The following TFEC variants were observed in gnomAD, a reference collection of about 807,000 sequenced individuals.
TFEC encodes class E basic helix-loop-helix protein 34.
In TFEC, 31 loss-of-function variants were observed where a neutral mutation model predicts 41.6. That is an observed-to-expected ratio of 0.74 (90% CI 0.56 to 1.01). The LOEUF is 1.01. Ranked by LOEUF, TFEC falls within the 50% of genes least tolerant of loss-of-function variation. The pLI, the probability that TFEC is intolerant of heterozygous loss-of-function variation, is 0.00. For synonymous variants in TFEC, 143 were observed against 140.6 expected (o/e 1.02, Z -0.12); for missense variants, 402 against 404.1 (o/e 0.99, Z 0.04).
chr7:115,981,605 G>T (rs1294395156), intron 2 of TFEC, among the ~76,000 whole-genome samples: 1 of 151,982 alleles, frequency 6.6e-6, no homozygotes, highest in Non-Finnish European at 1.5e-5. Context: ...TAAAAGATAA[G>T]AAAAAGAAAA....
intron 1 of TFEC, among the ~76,000 whole-genome samples, chr7:116,009,134 T>C (rs927960816): frequency 3.9e-5 from 6 of 152,190 alleles, no homozygotes; most frequent in African/African-American, 1.2e-4. Flanking sequence ...TATACATGCA[T>C]TGATTTGTTT....
chr7:115,958,382 T>TGAG (rs947450924), intron 3 of TFEC, among the ~76,000 whole-genome samples: 1 of 151,932 alleles, frequency 6.6e-6, no homozygotes, highest in African/African-American at 2.4e-5. Context: ...GGTTATGAGC[T>TGAG]GAGGCATCAC....
chr7:116,030,586 A>G, intron 1 of TFEC, 47 bp downstream of exon 1: 1 of 969,996 alleles, frequency 1.0e-6, no homozygotes, highest in Non-Finnish European at 1.2e-6. Context: ...TTGTCTTCCT[A>G]GTTTGTTTAA....
intron 1 of TFEC, among the ~76,000 whole-genome samples, chr7:116,139,348 G>T (rs1422620691): frequency 3.3e-5 from 5 of 152,114 alleles, no homozygotes; most frequent in Non-Finnish European, 7.4e-5. Flanking sequence ...TCCATTCACT[G>T]CCCAGCACTC....
At chr7:116,040,500 T>C (rs914578182) in intron 3 of TFEC, among the ~76,000 whole-genome samples, 1 of 152,170 alleles carries the variant, frequency 6.6e-6, no homozygotes, top group Non-Finnish European at 1.5e-5. Flanking sequence ...ATACATAAAA[T>C]AGAAATTGCA....
intron 1 of TFEC, among the ~76,000 whole-genome samples, chr7:116,029,378 A>G (rs17302005): frequency 0.18 from 27,026 of 152,160 alleles, 2,500 homozygotes; most frequent in East Asian, 0.33. Flanking sequence ...TGCTACACTC[A>G]GATTCATCTA....
intron 3 of TFEC, among the ~76,000 whole-genome samples, chr7:116,052,627 C>T (rs935261379): frequency 4.6e-5 from 7 of 151,798 alleles, no homozygotes; most frequent in Non-Finnish European, 8.8e-5. Flanking sequence ...CAGGGCTTCA[C>T]CATGTTGGCC....
intron 3 of TFEC, among the ~76,000 whole-genome samples, chr7:116,050,740 T>G (rs1246051526): frequency 3.9e-5 from 6 of 152,192 alleles, no homozygotes; most frequent in South Asian, 2.1e-4. Context: ...ACAGTGTGGC[T>G]ATTCCTCAAG....
intron 3 of TFEC, among the ~76,000 whole-genome samples, chr7:116,054,217 C>T (rs930729212): frequency 1.3e-5 from 2 of 151,922 alleles, no homozygotes; most frequent in South Asian, 2.1e-4. Context: ...TGGGAAGAAT[C>T]GATGAGTTGT....
intron 3 of TFEC, among the ~76,000 whole-genome samples, chr7:116,089,607 G>GTA (rs10641524): frequency 0.13 from 19,580 of 151,352 alleles, 1,617 homozygotes; most frequent in African/African-American, 0.23. Context: ...AAGAATGTAA[G>GTA]TATATATATG....
At chr7:116,094,416 C>T (rs1395109048) in intron 3 of TFEC, among the ~76,000 whole-genome samples, 1 of 151,662 alleles carries the variant, frequency 6.6e-6, no homozygotes, top group Non-Finnish European at 1.5e-5. Flanking sequence ...CGTGGTGGCT[C>T]ACGCCTGTAA....
At chr7:116,006,409 G>A (rs1378039125) in intron 1 of TFEC, among the ~76,000 whole-genome samples, 2 of 152,188 alleles carry the variant, frequency 1.3e-5, no homozygotes, top group Non-Finnish European at 2.9e-5. Flanking sequence ...GTGAGACATG[G>A]AATCAAAGGA....
intron 3 of TFEC, among the ~76,000 whole-genome samples, chr7:116,059,315 T>G (rs1796499440): frequency 6.6e-6 from 1 of 151,890 alleles, no homozygotes; most frequent in East Asian, 1.9e-4. Flanking sequence ...ATAGATAACC[T>G]AAATAATCTA....
At chr7:115,968,360 T>C (rs986930220) in intron 3 of TFEC, 20 of 1,389,134 alleles carry the variant, frequency 1.4e-5, no homozygotes, top group Non-Finnish European at 1.8e-5. Flanking sequence ...TTGTCTAGAT[T>C]GTGATTGACA....
intron 1 of TFEC, among the ~76,000 whole-genome samples, chr7:116,022,862 C>T (rs1795450805): frequency 6.6e-6 from 1 of 152,098 alleles, no homozygotes; most frequent in South Asian, 2.1e-4. Context: ...TTTTACCCTC[C>T]CTTTCTCATT....
At chr7:116,128,485 A>G (rs1798261277) in intron 1 of TFEC, among the ~76,000 whole-genome samples, 1 of 152,216 alleles carries the variant, frequency 6.6e-6, no homozygotes, top group African/African-American at 2.4e-5. Flanking sequence ...TGAAACAATT[A>G]TGAGCATAAA....
At chr7:116,112,839 A>G (rs1161572418) in intron 1 of TFEC, among the ~76,000 whole-genome samples, 1 of 152,050 alleles carries the variant, frequency 6.6e-6, no homozygotes, top group African/African-American at 2.4e-5. Context: ...TAATTATGTG[A>G]GCTTGGAAAC....
rs1175222505 is a variant in TFEC, at chr7:115,993,618, G to A, written c.-72-9105C>T. On this transcript the variant is annotated intron_variant, in intron 1 of 7. Transcript: ENST00000265440. ...AACTCCCATTCACAATTGCTTCAAA[G>A]AGAATAAAATACCTAGGAATCCAAC... is the stretch of plus-strand genomic sequence containing the variant. 2.0e-5 allele frequency among the ~76,000 whole-genome samples: 3 copies of A among 152,260 alleles called. No homozygotes were observed. In the East Asian group the frequency reaches 5.8e-4, roughly 29 times the overall value.
chr7:116,118,415 T>C (rs1406402076), intron 1 of TFEC, among the ~76,000 whole-genome samples: 2 of 151,868 alleles, frequency 1.3e-5, no homozygotes, highest in African/African-American at 4.8e-5. Context: ...TATTCAGTTA[T>C]GTATAAAAAA....
Sources: gnomAD v4.1 joint callset for allele counts (sites outside exome capture counted in the v4.1 genomes callset) on GRCh38, gnomAD v4.1.1 for gene constraint, MANE v1.5 for transcripts, NCBI Gene and HGNC (gene_info 2026-07-23, HGNC 2026-07-21) for gene names.